The following CTNNA1 variants were observed in gnomAD, a reference collection of about 807,000 sequenced individuals.
The protein encoded by CTNNA1 is catenin alpha 1.
A neutral mutation model predicts 98.4 loss-of-function variants in CTNNA1; 37 were observed. The observed-to-expected ratio is 0.38, with a 90% CI of 0.29 to 0.49. The LOEUF is 0.49. Among genes scored for constraint, CTNNA1 ranks in the 20% least tolerant of loss-of-function variants. The pLI, the probability that CTNNA1 is intolerant of heterozygous loss-of-function variation, is 0.95. For synonymous variants in CTNNA1, 404 were observed against 413.2 expected, an observed-to-expected ratio of 0.98 and a Z score of 0.27; for missense variants, 761 against 1,147.2, an observed-to-expected ratio of 0.66 and a Z score of 4.86.
chr5:138,838,195 C>G (rs1057000228), intron 7 of CTNNA1, among the ~76,000 whole-genome samples: 7 of 152,228 alleles, frequency 4.6e-5, no homozygotes, highest in African/African-American at 1.7e-4. Flanking sequence ...GCCATGGCAC[C>G]CAGCCCAACC....
intron 9 of CTNNA1, among the ~76,000 whole-genome samples, chr5:138,902,057 A>G (rs892797430): frequency 8.5e-5 from 13 of 152,328 alleles, no homozygotes; most frequent in East Asian, 1.9e-4. Flanking sequence ...TACTGCTTCA[A>G]CAGTACACCA....
Position 138,874,901 on chromosome 5 carries a change from GACTT to G in CTNNA1, c.1063-11308_1063-11305del. On this transcript the variant is annotated intron_variant, in intron 7 of 17. Transcript: ENST00000302763. This position sits in a 1 kb window ranked among gnomAD's most constrained non-coding sequence, Gnocchi z 4.1. ...AATGTACAAGACATATAAATGCACAGACTTACCCATTCTTCTGAGCACATTGGAG... is the reference window on the plus strand; with the variant it reads ...AATGTACAAGACATATAAATGCACAGACCCATTCTTCTGAGCACATTGGAG... The G allele has an allele frequency of 6.2e-7, 1 of 1,612,986 alleles. No individual in the cohort carries two copies. Among genetic ancestry groups the G allele is most frequent in the Non-Finnish European group, 8.5e-7 (1 of 1,179,246 alleles).
intron 5 of CTNNA1, among the ~76,000 whole-genome samples, chr5:138,818,581 C>CAAT (rs1759691790): frequency 6.6e-6 from 1 of 152,076 alleles, no homozygotes; most frequent in Admixed American, 6.6e-5. Context: ...CCAGTAGGAG[C>CAAT]AATAGTACAG....
intron 7 of CTNNA1, among the ~76,000 whole-genome samples, chr5:138,835,734 T>C (rs1039789): frequency 0.68 from 103,420 of 152,136 alleles, 35,399 homozygotes; most frequent in East Asian, 0.93. Context: ...AACATATCTG[T>C]TATCTTAGAG....
chr5:138,933,108 T>C lies in CTNNA1; in HGVS notation c.2433+396T>C, dbSNP rs546009980. 10 of 652,010 alleles carry C rather than the reference T, an allele frequency of 1.5e-5. No individual in the cohort carries two copies. The South Asian group carries it at 1.6e-4, about 10-fold the overall frequency. 40.4% of individuals were successfully genotyped at this position (652,010 alleles called of 1,614,324 possible). On this transcript the variant is annotated intron_variant, in intron 17 of 17. Transcript: ENST00000302763. The stretch of plus-strand genomic sequence containing the variant: ...GAGATGGCACCACTGCACTCCCGTC[T>C]GGGCAACAGAACAAGACTGTCTCAA...
intron 3 of CTNNA1, among the ~76,000 whole-genome samples, chr5:138,807,851 G>C (rs1480029145): frequency 6.6e-6 from 1 of 152,080 alleles, no homozygotes; most frequent in Admixed American, 6.6e-5. Flanking sequence ...AGGTTCAAGT[G>C]ATTCTTGTGC....
At chr5:138,896,204 CTG>C (rs1276845149) in intron 9 of CTNNA1, among the ~76,000 whole-genome samples, 1 of 152,142 alleles carries the variant, frequency 6.6e-6, no homozygotes, top group Non-Finnish European at 1.5e-5. Flanking sequence ...GTCAGGGAGT[CTG>C]TGTGGTGCAG....
intron 7 of CTNNA1, chr5:138,875,512 T>G: frequency 1.0e-6 from 1 of 985,476 alleles, no homozygotes; most frequent in Non-Finnish European, 1.2e-6. Context: ...GAAGAACTCC[T>G]GACTTAAAAA....
At position 138,810,129 on chromosome 5, in the gene CTNNA1, G is replaced by C; in HGVS notation, c.393G>C (p.Leu131Phe). The C allele has an allele frequency of 6.2e-7, 1 of 1,614,208 alleles. No homozygotes were observed. Among genetic ancestry groups the C allele is most frequent in the Non-Finnish European group, 8.5e-7 (1 of 1,180,034 alleles). Reference sequence around the variant, plus strand: ...ACATGGTTCGGGCAGCTCGAGCTTTGCTCTCTGCTGTTACCCGGTTGCTGA... The same window carrying C: ...ACATGGTTCGGGCAGCTCGAGCTTTCCTCTCTGCTGTTACCCGGTTGCTGA... ...RGNMVRAARA[L>F]LSAVTRLLIL... Residue 131 changes from leucine (L) to phenylalanine (F), a missense_variant, in exon 4 of 18, where the codon TTG becomes TTC. Coordinates refer to ENST00000302763, the MANE Select transcript of CTNNA1 (RefSeq NM_001903.5).
At chr5:138,766,419 C>T (rs1165951741) in intron 1 of CTNNA1, among the ~76,000 whole-genome samples, 1 of 148,994 alleles carries the variant, frequency 6.7e-6, no homozygotes, top group Non-Finnish European at 1.5e-5. Flanking sequence ...TGGCTTCATC[C>T]TGTATGTGGT....
intron 7 of CTNNA1, among the ~76,000 whole-genome samples, chr5:138,884,994 TAGTG>T (rs1357848960): frequency 6.6e-6 from 1 of 152,180 alleles, no homozygotes; most frequent in African/African-American, 2.4e-5. Flanking sequence ...CCAGATTTGA[TAGTG>T]ATCATATCAA....
chr5:138,787,686 TG>T (rs1231664500), intron 3 of CTNNA1, among the ~76,000 whole-genome samples: 1 of 152,226 alleles, frequency 6.6e-6, no homozygotes, highest in Non-Finnish European at 1.5e-5. Flanking sequence ...TCTGTATCTT[TG>T]GGTTTGTACA....
chr5:138,783,981 C>T (rs1755410593), intron 3 of CTNNA1, among the ~76,000 whole-genome samples: 1 of 152,174 alleles, frequency 6.6e-6, no homozygotes, highest in South Asian at 2.1e-4. Context: ...CCACAGTTTA[C>T]TAATAATTAA....
Position 138,851,359 on chromosome 5 carries a change from G to C in CTNNA1, c.1062+23641G>C, listed in dbSNP as rs866917859. On this transcript the variant is annotated intron_variant, in intron 7 of 17. Transcript: ENST00000302763. ...TTGATCATGGCAGCTAGTCATCATA[G>C]AAGGTGATGCTACTTTGCCTGTGGG... Among the ~76,000 whole-genome samples the C allele has an allele frequency of 6.6e-4, 100 of 152,204 alleles. 1 individual carries two copies. Among genetic ancestry groups the C allele is most frequent in the African/African-American group, 2.3e-3 (94 of 41,458 alleles).
At chr5:138,829,042 A>C (rs1761002213) in intron 7 of CTNNA1, among the ~76,000 whole-genome samples, 1 of 152,150 alleles carries the variant, frequency 6.6e-6, no homozygotes, top group Non-Finnish European at 1.5e-5. Context: ...GAATCGCTTA[A>C]GCCTGGGAGG....
intron 7 of CTNNA1, among the ~76,000 whole-genome samples, chr5:138,883,464 A>C (rs1753382298): frequency 6.6e-6 from 1 of 152,246 alleles, no homozygotes; most frequent in Non-Finnish European, 1.5e-5. Flanking sequence ...AGTTTGACAA[A>C]GACAGAATTA....
At chr5:138,786,181 T>G (rs1317482941) in intron 3 of CTNNA1, among the ~76,000 whole-genome samples, 1 of 152,166 alleles carries the variant, frequency 6.6e-6, no homozygotes. Flanking sequence ...ATTTGCCTTC[T>G]CTTTGGAAAA....
chr5:138,865,476 T>C (rs1764670077), intron 7 of CTNNA1, among the ~76,000 whole-genome samples: 1 of 152,208 alleles, frequency 6.6e-6, no homozygotes, highest in East Asian at 1.9e-4. Context: ...TATAAATAAT[T>C]CACAGGTTTT....
intron 9 of CTNNA1, among the ~76,000 whole-genome samples, chr5:138,896,855 C>T (rs1228148711): frequency 1.3e-5 from 2 of 152,182 alleles, no homozygotes; most frequent in South Asian, 4.1e-4. Context: ...GAAATATTAA[C>T]CTTTTTGTCA....
Sources: gnomAD v4.1 joint callset for allele counts (sites outside exome capture counted in the v4.1 genomes callset) on GRCh38, gnomAD v4.1.1 for gene constraint, Gnocchi (gnomAD v3.1) non-coding constraint, MANE v1.5 for transcripts, NCBI Gene and HGNC (gene_info 2026-07-23, HGNC 2026-07-21) for gene names.